Variants in ERBB4 observed in about 807,000 individuals in gnomAD.
The protein encoded by ERBB4 is erb-b2 receptor tyrosine kinase 4, also known as receptor tyrosine-protein kinase erbB-4.
Under a neutral mutation model 158.0 loss-of-function variants are expected in ERBB4, and 42 were observed. The observed-to-expected ratio is 0.27, with a 90% CI of 0.21 to 0.34. The LOEUF (loss-of-function observed/expected upper bound fraction) is 0.34. Among genes scored for constraint, ERBB4 ranks in the 10% least tolerant of loss-of-function variants. The probability of loss-of-function intolerance (pLI) is 1.00; values close to 1 mark genes in which losing one functional copy is unlikely to be tolerated. For synonymous variants in ERBB4, 583 were observed against 558.7 expected (o/e 1.04, Z -0.61); for missense variants, 1,333 against 1,624.1 (o/e 0.82, Z 3.08).
Position 211,515,912 on chromosome 2 carries a change from A to ATATATATATATATATATTTTTT in ERBB4, c.2487+45990_2487+45991insAAAAAATATATATATATATATA, listed in dbSNP as rs35696520. ...AAACATATATTATATATATATATAT[A>ATATATATATATATATATTTTTT]TTTTTTTTTTTTTTTTTTTTGAGGC... On this transcript the variant is annotated intron_variant, in intron 20 of 27. Transcript: ENST00000342788. Among the ~76,000 whole-genome samples, 82 of 78,944 alleles carry ATATATATATATATATATTTTTT rather than the reference A, an allele frequency of 1.0e-3. 1 individual carries two copies. Among genetic ancestry groups the ATATATATATATATATATTTTTT allele is most frequent in the Non-Finnish European group, 1.7e-3 (71 of 41,782 alleles). 51.8% of individuals were successfully genotyped at this position (78,944 alleles called of 152,430 possible).
rs541714558 is a variant in ERBB4 at position 211,699,340 on chromosome 2, T to C, written c.1489+2627A>G. Among the ~76,000 whole-genome samples the C allele has an allele frequency of 5.9e-5, 9 of 151,834 alleles. No homozygotes were observed. In the East Asian group the frequency reaches 1.7e-3, roughly 29 times the overall value. On this transcript the variant is annotated intron_variant, in intron 12 of 27. Coordinates refer to ENST00000342788, the MANE Select transcript of ERBB4 (RefSeq NM_005235.3). ...ATGTACATCTTGTGTGTGTGTGATA[T>C]AGCAAGACAGAATATCTAAAAATGA...
intron 2 of ERBB4, among the ~76,000 whole-genome samples, chr2:211,992,565 GAGAAAA>G (rs1189620304): frequency 4.1e-5 from 5 of 122,634 alleles, no homozygotes; most frequent in Middle Eastern, 8.6e-3. Flanking sequence ...GAGAGAGAGA[GAGAAAA>G]AAAAAAAAAA....
intron 23 of ERBB4, 68 bp downstream of exon 23, chr2:211,424,085 CAG>C (rs1429892997): frequency 2.6e-5 from 37 of 1,428,420 alleles, no homozygotes; most frequent in Non-Finnish European, 3.7e-5. Context: ...AAATGTTGTA[CAG>C]ATTGAGTAAT....
At chr2:211,716,398 C>T (rs1460609933) in intron 7 of ERBB4, among the ~76,000 whole-genome samples, 20 of 135,188 alleles carry the variant, frequency 1.5e-4, no homozygotes, top group South Asian at 6.8e-4. Flanking sequence ...AAAAAAAGGC[C>T]GGGCGCAGTG....
chr2:211,619,923 T>C (rs1236129529), intron 18 of ERBB4, among the ~76,000 whole-genome samples: 1 of 152,182 alleles, frequency 6.6e-6, no homozygotes, highest in East Asian at 1.9e-4. Flanking sequence ...TTATTATCTC[T>C]GAAGAAATAT....
chr2:212,175,259 G>C (rs918984252), intron 1 of ERBB4, among the ~76,000 whole-genome samples: 1 of 152,018 alleles, frequency 6.6e-6, no homozygotes, highest in Non-Finnish European at 1.5e-5. Context: ...AATAAATGTT[G>C]AATGAATGAA....
At chr2:211,439,989 A>AACAT (rs1376215312) in intron 20 of ERBB4, among the ~76,000 whole-genome samples, 2 of 152,296 alleles carry the variant, frequency 1.3e-5, no homozygotes, top group Non-Finnish European at 2.9e-5. Flanking sequence ...AAGCTTTTAA[A>AACAT]ACATCCATTT....
intron 20 of ERBB4, among the ~76,000 whole-genome samples, chr2:211,497,212 A>G (rs537222266): frequency 1.1e-4 from 17 of 152,258 alleles, no homozygotes; most frequent in Non-Finnish European, 2.2e-4. Flanking sequence ...TATTATTTCC[A>G]TAACTCAAAC....
intron 1 of ERBB4, among the ~76,000 whole-genome samples, chr2:212,351,117 A>G (rs1402282853): frequency 6.6e-6 from 1 of 152,130 alleles, no homozygotes; most frequent in Non-Finnish European, 1.5e-5. Context: ...GCCTTTAAAG[A>G]GGTGATTAGG....
intron 19 of ERBB4, 82 bp downstream of exon 19, chr2:211,619,095 T>G: frequency 2.5e-6 from 2 of 808,272 alleles, no homozygotes; most frequent in East Asian, 2.5e-5. Flanking sequence ...AGTTGTGGAG[T>G]TTGGTTTTGT....
chr2:212,295,646 G>A (rs1014941959), intron 1 of ERBB4, among the ~76,000 whole-genome samples: 11 of 151,986 alleles, frequency 7.2e-5, no homozygotes, highest in African/African-American at 2.7e-4. Flanking sequence ...CTAGTTCTAT[G>A]GTATTGTACC....
chr2:211,738,361 GTTTT>G (rs10535592), intron 5 of ERBB4, among the ~76,000 whole-genome samples: 1 of 135,342 alleles, frequency 7.4e-6, no homozygotes, highest in East Asian at 2.3e-4. Context: ...CTTTGTTTTT[GTTTT>G]TTTTTTTTTT....
chr2:211,713,741 T>G (rs774727297), intron 7 of ERBB4, 93 bp from the exon 8 acceptor site: 1 of 751,172 alleles, frequency 1.3e-6, no homozygotes, highest in Non-Finnish European at 2.3e-6. Context: ...TAAAAATGAT[T>G]AGCATCATTG....
chr2:212,315,034 G>T (rs2087211034), intron 1 of ERBB4, among the ~76,000 whole-genome samples: 1 of 151,276 alleles, frequency 6.6e-6, no homozygotes, highest in Non-Finnish European at 1.5e-5. Context: ...CTGAAGTCAT[G>T]AGGGAACAGG....
intron 3 of ERBB4, among the ~76,000 whole-genome samples, chr2:211,849,636 A>G (rs942844854): frequency 6.6e-6 from 1 of 151,942 alleles, no homozygotes; most frequent in African/African-American, 2.4e-5. Flanking sequence ...GATGTAGAGA[A>G]GCCTACTCAT....
chr2:211,444,590 A>C (rs2064065375), intron 20 of ERBB4, among the ~76,000 whole-genome samples: 1 of 152,082 alleles, frequency 6.6e-6, no homozygotes, highest in Admixed American at 6.6e-5. Flanking sequence ...CAGCTATTTA[A>C]AGTTACAGGA....
chr2:212,036,650 G>C (rs550835664), intron 2 of ERBB4, among the ~76,000 whole-genome samples: 8 of 151,966 alleles, frequency 5.3e-5, no homozygotes, highest in Admixed American at 5.3e-4. Flanking sequence ...ATTTTTAGTA[G>C]AGACTGGTTT....
intron 25 of ERBB4, among the ~76,000 whole-genome samples, chr2:211,407,730 A>G (rs2063175105): frequency 6.6e-6 from 1 of 152,220 alleles, no homozygotes; most frequent in Non-Finnish European, 1.5e-5. Flanking sequence ...CAGAACACAA[A>G]TTAGCCTCTC....
intron 1 of ERBB4, among the ~76,000 whole-genome samples, chr2:212,188,190 C>G (rs1346406942): frequency 3.0e-4 from 5 of 16,646 alleles, no homozygotes; most frequent in South Asian, 6.3e-3. Flanking sequence ...TCAGGTCTCT[C>G]TCTCTCTCTC....
Sources: gnomAD v4.1 joint callset for allele counts (sites outside exome capture counted in the v4.1 genomes callset) on GRCh38, gnomAD v4.1.1 for gene constraint, MANE v1.5 for transcripts, NCBI Gene and HGNC (gene_info 2026-07-23, HGNC 2026-07-21) for gene names.